Variants in RPRD2 observed in about 807,000 individuals in gnomAD.
The protein encoded by RPRD2 is regulation of nuclear pre-mRNA domain-containing protein 2.
Under a neutral mutation model 104.4 loss-of-function variants are expected in RPRD2, and 12 were observed. That is an observed-to-expected ratio of 0.11 (90% CI 0.07 to 0.19). The LOEUF (loss-of-function observed/expected upper bound fraction) is 0.19. Among genes scored for constraint, RPRD2 ranks in the 10% least tolerant of loss-of-function variants. The pLI is 1.00. For synonymous variants in RPRD2, 714 were observed against 684.9 expected (o/e 1.04, Z -0.66); for missense variants, 1,543 against 1,790.1 (o/e 0.86, Z 2.49).
chr1:150,404,444 C>T (rs1476406407), intron 1 of RPRD2, among the ~76,000 whole-genome samples: 1 of 152,008 alleles, frequency 6.6e-6, no homozygotes, highest in Non-Finnish European at 1.5e-5. Context: ...CAGGGTTTCA[C>T]CAAGTTGCCC....
At chr1:150,459,125 C>A (rs1553898253) in intron 8 of RPRD2, among the ~76,000 whole-genome samples, 1 of 152,198 alleles carries the variant, frequency 6.6e-6, no homozygotes, top group African/African-American at 2.4e-5. Context: ...GTTAATCACA[C>A]TTTCAGAAAT....
At chr1:150,376,658 G>A (rs1017633155) in intron 1 of RPRD2, among the ~76,000 whole-genome samples, 1 of 151,528 alleles carries the variant, frequency 6.6e-6, no homozygotes, top group Non-Finnish European at 1.5e-5. Context: ...CCGCCACCAC[G>A]CCCGGCTGAT....
chr1:150,458,149 C>G (rs1667670335), intron 8 of RPRD2, among the ~76,000 whole-genome samples: 1 of 151,672 alleles, frequency 6.6e-6, no homozygotes, highest in Non-Finnish European at 1.5e-5. Flanking sequence ...TTGAGATGTG[C>G]TATAAGTATA....
chr1:150,399,605 A>G (rs941316730), intron 1 of RPRD2, among the ~76,000 whole-genome samples: 1 of 151,872 alleles, frequency 6.6e-6, no homozygotes, highest in Non-Finnish European at 1.5e-5. Flanking sequence ...AAAAATAGAA[A>G]AATTAGCCAG....
chr1:150,421,097 G>A (rs1185655987), intron 2 of RPRD2, among the ~76,000 whole-genome samples: 1 of 152,178 alleles, frequency 6.6e-6, no homozygotes, highest in African/African-American at 2.4e-5. Flanking sequence ...GATTTGGTCT[G>A]AGGTTCATAA....
intron 1 of RPRD2, among the ~76,000 whole-genome samples, chr1:150,374,702 G>A (rs782646278): frequency 2.0e-5 from 3 of 152,164 alleles, no homozygotes; most frequent in East Asian, 1.9e-4. Flanking sequence ...TTTGTTGATT[G>A]TTGAATGAGA....
At chr1:150,461,363 A>G (rs1385210948) in intron 9 of RPRD2, among the ~76,000 whole-genome samples, 2 of 152,336 alleles carry the variant, frequency 1.3e-5, no homozygotes, top group African/African-American at 2.4e-5. Flanking sequence ...ATGTATAACA[A>G]TTTTTAAAAA....
At position 150,471,247 on chromosome 1, in the gene RPRD2, A is replaced by G; in HGVS notation, c.2299A>G (p.Thr767Ala). Reference sequence around the variant, plus strand: ...CCCTGGTTCCTCAACACCCAGCAGTACAAGATCACCACCCCCTGGGAGAGA... The same window carrying G: ...CCCTGGTTCCTCAACACCCAGCAGTGCAAGATCACCACCCCCTGGGAGAGA... The part of the protein sequence containing the change: ...ISPGSSTPSS[T>A]RSPPPGRDES... Residue 767 changes from threonine (T) to alanine (A), a missense_variant, in exon 11 of 11, where the codon ACA becomes GCA. Around this residue, in one of 4 missense-constraint regions of RPRD2, gnomAD observed 880 missense variants for 885.6 expected, o/e 0.99. Transcript: ENST00000369068. This position sits in a 1 kb window ranked among gnomAD's most constrained non-coding sequence, Gnocchi z 5.3. 1 of 1,613,782 alleles carries G rather than the reference A, an allele frequency of 6.2e-7. No individual in the cohort carries two copies.
At chr1:150,450,423 G>A (rs1667075280) in intron 7 of RPRD2, among the ~76,000 whole-genome samples, 1 of 151,302 alleles carries the variant, frequency 6.6e-6, no homozygotes, top group Non-Finnish European at 1.5e-5. Flanking sequence ...TGGCTAACAC[G>A]GTGAAACCCC....
intron 2 of RPRD2, among the ~76,000 whole-genome samples, chr1:150,430,754 ACC>A (rs1665503359): frequency 1.3e-5 from 2 of 151,758 alleles, no homozygotes; most frequent in African/African-American, 2.4e-5. Flanking sequence ...ACATGGAGAA[ACC>A]CCGTCTCTAC....
At position 150,471,573 on chromosome 1, in the gene RPRD2, T is replaced by G; in HGVS notation, c.2625T>G (p.Ser875Arg). The change falls in exon 11 of 11, where the codon AGT (serine) becomes AGG (arginine). Residue 875 changes from serine (S) to arginine (R), a missense_variant. By Grantham distance (110) the Ser-to-Arg change is moderately radical (BLOSUM62 -1). Coordinates refer to ENST00000369068, the MANE Select transcript of RPRD2 (RefSeq NM_015203.5). This position sits in a 1 kb window ranked among gnomAD's most constrained non-coding sequence, Gnocchi z 5.3. ...DTTEYQPILS[S>R]YSHRAQEFGV... Reference sequence around the variant, plus strand: ...CCGAGTACCAGCCAATTCTGTCCAGTTATAGCCACAGAGCCCAAGAATTTG... The same window carrying G: ...CCGAGTACCAGCCAATTCTGTCCAGGTATAGCCACAGAGCCCAAGAATTTG... 6.2e-7 allele frequency: 1 copy of G among 1,613,674 alleles called. No individual in the cohort carries two copies. Among genetic ancestry groups the G allele is most frequent in the Non-Finnish European group, 8.5e-7 (1 of 1,179,820 alleles).
intron 2 of RPRD2, among the ~76,000 whole-genome samples, chr1:150,433,661 G>A (rs979042499): frequency 2.7e-5 from 4 of 148,290 alleles, no homozygotes; most frequent in Middle Eastern, 3.6e-3. Context: ...AGCCAGGATG[G>A]TCTCAATCTG....
intron 1 of RPRD2, among the ~76,000 whole-genome samples, chr1:150,379,292 A>G (rs1172662648): frequency 6.6e-6 from 1 of 152,112 alleles, no homozygotes; most frequent in Admixed American, 6.5e-5. Context: ...CAAAAAAAAA[A>G]CAAAAAGAAA....
chr1:150,405,461 T>C (rs1358140927), intron 1 of RPRD2, among the ~76,000 whole-genome samples: 2 of 152,162 alleles, frequency 1.3e-5, no homozygotes, highest in East Asian at 1.9e-4. Flanking sequence ...TGATTTGTGC[T>C]ATATTTGGTA....
rs372325827 is a variant in RPRD2, at chr1:150,473,093, C to G, written c.4145C>G (p.Pro1382Arg). Residue 1382 changes from proline (P) to arginine (R), a missense_variant, in exon 11 of 11, where the codon CCC becomes CGC. By Grantham distance (103) the Pro-to-Arg change is moderately radical (BLOSUM62 -2). This residue lies in a region of RPRD2 where 880 missense variants were observed against 885.6 expected (regional missense o/e 0.99). Coordinates refer to ENST00000369068, the MANE Select transcript of RPRD2 (RefSeq NM_015203.5). ...CATTCTCTGGAACACCTGGGCCCAC[C>G]CCATGGAGGAGGAGGTGGGGGAGGC... Reference protein sequence around the residue: ...PSHSLEHLGPPHGGGGGGGSN... With the variant: ...PSHSLEHLGPRHGGGGGGGSN... The G allele has an allele frequency of 2.0e-5, 33 of 1,614,010 alleles. No homozygotes were observed. The highest frequency in any genetic ancestry group is 1.3e-4 in the South Asian group (12 of 91,086).
chr1:150,397,922 T>G (rs1553884514), intron 1 of RPRD2, among the ~76,000 whole-genome samples: 2 of 151,988 alleles, frequency 1.3e-5, no homozygotes, highest in African/African-American at 4.8e-5. Context: ...AGCTAATTTG[T>G]TTCTGTTTTT....
At chr1:150,443,788 G>A (rs1205305278) in intron 5 of RPRD2, among the ~76,000 whole-genome samples, 2 of 151,808 alleles carry the variant, frequency 1.3e-5, no homozygotes, top group African/African-American at 2.4e-5. Flanking sequence ...GGCGGATCAC[G>A]AGGTCAGGAG....
chr1:150,394,568 TC>T (rs1662345037), intron 1 of RPRD2, among the ~76,000 whole-genome samples: 1 of 152,154 alleles, frequency 6.6e-6, no homozygotes, highest in Admixed American at 6.6e-5. Context: ...TACTGAACTT[TC>T]AACCTTTTTG....
intron 1 of RPRD2, among the ~76,000 whole-genome samples, chr1:150,403,604 C>T (rs1283129142): frequency 3.9e-5 from 6 of 152,084 alleles, no homozygotes; most frequent in Admixed American, 3.9e-4. Context: ...TTTTCTCCTT[C>T]TTATGGGTGG....
Sources: gnomAD v4.1 joint callset for allele counts (sites outside exome capture counted in the v4.1 genomes callset) on GRCh38, gnomAD v4.1.1 for gene constraint, gnomAD v4.1.1 regional missense constraint, Gnocchi (gnomAD v3.1) non-coding constraint, MANE v1.5 for transcripts, NCBI Gene and HGNC (gene_info 2026-07-23, HGNC 2026-07-21) for gene names.